STRN: variants seen among roughly 807,000 people sequenced by gnomAD.
STRN encodes protein phosphatase 2 regulatory subunit B'''alpha.
A neutral mutation model predicts 96.3 loss-of-function variants in STRN; 53 were observed. The observed-to-expected ratio is 0.55, with a 90% CI of 0.44 to 0.69. The LOEUF is 0.69. Among genes scored for constraint, STRN ranks in the 30% least tolerant of loss-of-function variants. The pLI, the probability that STRN is intolerant of heterozygous loss-of-function variation, is 0.00. For synonymous variants in STRN, 428 were observed against 355.9 expected (o/e 1.20, Z -2.28); for missense variants, 987 against 963.9 (o/e 1.02, Z -0.32).
At chr2:36,954,383 G>C (rs1664830818) in intron 1 of STRN, among the ~76,000 whole-genome samples, 1 of 151,564 alleles carries the variant, frequency 6.6e-6, no homozygotes, top group Non-Finnish European at 1.5e-5. Context: ...GTGGTGATGG[G>C]TGCCTGTAAT....
chr2:36,957,736 C>CTTT (rs1470880818), intron 1 of STRN, among the ~76,000 whole-genome samples: 4 of 96,290 alleles, frequency 4.2e-5, no homozygotes, highest in African/African-American at 7.1e-5. Flanking sequence ...CATAGTTCTT[C>CTTT]TTTTTGTCTT....
At position 36,886,702 on chromosome 2, in the gene STRN, T is replaced by C. The variant is rs1255682701; in HGVS notation, c.1042+14A>G. On this transcript the variant is annotated intron_variant, in intron 8 of 17. Coordinates refer to ENST00000263918, the MANE Select transcript of STRN (RefSeq NM_003162.4). ...CAAGATTTATGATTTACAGATACAA[T>C]GTTTTCCACTTACTCTTCACCCCCT... 3 of 1,590,106 alleles carry C rather than the reference T, an allele frequency of 1.9e-6. No individual in the cohort carries two copies. The highest frequency in any genetic ancestry group is 1.4e-5 in the African/African-American group (1 of 73,834).
intron 7 of STRN, among the ~76,000 whole-genome samples, chr2:36,889,204 T>A (rs1194620677): frequency 6.6e-6 from 1 of 152,168 alleles, no homozygotes; most frequent in Non-Finnish European, 1.5e-5. Flanking sequence ...GAATGAATGA[T>A]CCGAGTAAAC....
intron 6 of STRN, among the ~76,000 whole-genome samples, chr2:36,898,745 T>C (rs1669607111): frequency 1.3e-5 from 2 of 152,220 alleles, no homozygotes; most frequent in South Asian, 4.1e-4. Flanking sequence ...ATCTGCTTTA[T>C]ATTACTTTAC....
chr2:36,909,104 C>G (rs551820288), intron 3 of STRN, among the ~76,000 whole-genome samples: 1 of 147,896 alleles, frequency 6.8e-6, no homozygotes, highest in African/African-American at 2.5e-5. Context: ...TGCAGTGAAT[C>G]GAGATTGCAC....
intron 5 of STRN, among the ~76,000 whole-genome samples, chr2:36,901,508 C>T (rs559815849): frequency 6.8e-6 from 1 of 147,184 alleles, no homozygotes; most frequent in African/African-American, 2.5e-5. Context: ...GCTGAGATGG[C>T]GCCACTGCAC....
chr2:36,919,901 A>C lies in STRN; in HGVS notation c.339-3750T>G, dbSNP rs908338893. On this transcript the variant is annotated intron_variant, in intron 2 of 17. Transcript: ENST00000263918. ...TATGTAATCTTGAAAATTTATATTAAATTTTATCACACATTAAGGAATGCT... is the reference window on the plus strand; with the variant it reads ...TATGTAATCTTGAAAATTTATATTACATTTTATCACACATTAAGGAATGCT... Among the ~76,000 whole-genome samples the C allele has an allele frequency of 2.6e-5, 4 of 152,330 alleles. No homozygotes were observed. In the East Asian group the frequency reaches 7.7e-4, roughly 29 times the overall value.
In STRN at chr2:36,921,127, C is replaced by G. The variant is rs534379324; in HGVS notation, c.338+3978G>C. ...CAACTCCATCTCTCCCCACTTCATC[C>G]TTCTCAGCCCTCGATCCTCTGTGAT... On this transcript the variant is annotated intron_variant, in intron 2 of 17. Transcript: ENST00000263918. Among the ~76,000 whole-genome samples the G allele has an allele frequency of 3.9e-5, 6 of 152,072 alleles. No individual in the cohort carries two copies. In the East Asian group the frequency reaches 1.2e-3, roughly 29 times the overall value.
chr2:36,888,649 G>GTGTGTA (rs1282730247), intron 7 of STRN, among the ~76,000 whole-genome samples: 1 of 150,104 alleles, frequency 6.7e-6, no homozygotes, highest in East Asian at 1.9e-4. Context: ...ATGTGTGTGT[G>GTGTGTA]TGTGTGTGTG....
rs535392375 is a variant in STRN, at chr2:36,855,336, G to T, written c.1854C>A (p.Ala618=). ...FNDTKELGIP[A]SVDLVSSDPS... is the part of the protein sequence containing the mutation. ...GGTCACTGCTCACTAGATCCACAGAGGCAGGGATTCCCAGTTCTGAAAGAG... is the reference window on the plus strand; with the variant it reads ...GGTCACTGCTCACTAGATCCACAGATGCAGGGATTCCCAGTTCTGAAAGAG... The change falls in exon 15 of 18, where the codon GCC becomes GCA. Residue 618 remains alanine (A), a synonymous_variant. Transcript: ENST00000263918. 3.5e-5 allele frequency: 57 copies of T among 1,613,238 alleles called. 1 individual carries two copies. In the South Asian group the frequency reaches 6.0e-4, roughly 17 times the overall value.
intron 10 of STRN, among the ~76,000 whole-genome samples, chr2:36,875,712 G>A (rs542448517): frequency 6.7e-6 from 1 of 149,512 alleles, no homozygotes; most frequent in South Asian, 2.1e-4. Flanking sequence ...GCTGGAGTGC[G>A]GTGGCGCAAT....
chr2:36,961,287 T>A (rs1341619419), intron 1 of STRN, among the ~76,000 whole-genome samples: 11 of 134,294 alleles, frequency 8.2e-5, no homozygotes, highest in Admixed American at 2.1e-4. Flanking sequence ...TTAAAAAAAT[T>A]TTTTTTTCTG....
chr2:36,871,267 C>T (rs1178335179), intron 10 of STRN, among the ~76,000 whole-genome samples: 2 of 152,216 alleles, frequency 1.3e-5, no homozygotes, highest in Non-Finnish European at 2.9e-5. Context: ...CACTCACTCA[C>T]TGACTCATTC....
Position 36,847,359 on chromosome 2 carries a change from A to G in STRN, c.*2097T>C, listed in dbSNP as rs935883723. 6.6e-6 allele frequency: 1 copy of G among 152,196 alleles called. No homozygotes were observed. Among genetic ancestry groups the G allele is most frequent in the African/African-American group, 2.4e-5 (1 of 41,456 alleles). 9.4% of individuals were successfully genotyped at this position (152,196 alleles called of 1,614,324 possible). A position where few individuals can be genotyped will look rare whatever the true frequency, so the allele number is the denominator to read the frequency against. On this transcript the variant is annotated 3_prime_UTR_variant, in exon 18 of 18. Transcript: ENST00000263918. ...AACAATAGCTTTGTGGTCATCCATC[A>G]TAAATACACCAAGTAATGGCATCTT... is the stretch of plus-strand genomic sequence containing the variant.
intron 7 of STRN, among the ~76,000 whole-genome samples, chr2:36,889,625 G>GA (rs1669333714): frequency 7.7e-6 from 1 of 130,552 alleles, no homozygotes; most frequent in African/African-American, 2.9e-5. Flanking sequence ...TTTTGGGGGG[G>GA]GTGGGGGGGA....
At chr2:36,905,990 T>C (rs949646213) in intron 3 of STRN, among the ~76,000 whole-genome samples, 5 of 152,138 alleles carry the variant, frequency 3.3e-5, no homozygotes, top group East Asian at 1.9e-4. Context: ...ATAACAATAA[T>C]TGAACATTTA....
intron 11 of STRN, 67 bp from the exon 12 acceptor site, chr2:36,867,928 T>C: frequency 1.6e-6 from 2 of 1,264,780 alleles, no homozygotes; most frequent in Non-Finnish European, 1.1e-6. Flanking sequence ...ACATATGTCA[T>C]AAAATTGTCT....
chr2:36,948,621 C>G (rs1664668597), intron 1 of STRN, among the ~76,000 whole-genome samples: 1 of 152,160 alleles, frequency 6.6e-6, no homozygotes, highest in African/African-American at 2.4e-5. Context: ...GTGCTGTTGA[C>G]TGCTATATCC....
chr2:36,934,330 G>C (rs1670648623), intron 1 of STRN, among the ~76,000 whole-genome samples: 1 of 152,072 alleles, frequency 6.6e-6, no homozygotes. Flanking sequence ...AAGTTGAAAA[G>C]GATATTAACT....
Sources: gnomAD v4.1 joint callset for allele counts (sites outside exome capture counted in the v4.1 genomes callset) on GRCh38, gnomAD v4.1.1 for gene constraint, MANE v1.5 for transcripts, NCBI Gene and HGNC (gene_info 2026-07-23, HGNC 2026-07-21) for gene names.